The following SNX13 variants were observed in gnomAD, a reference collection of about 807,000 sequenced individuals.
SNX13 encodes the protein sorting nexin 13.
A neutral mutation model predicts 133.6 loss-of-function variants in SNX13; 45 were observed. The observed-to-expected ratio is 0.34, with a 90% CI of 0.27 to 0.43. The LOEUF (loss-of-function observed/expected upper bound fraction) is 0.43. Ranked by LOEUF, SNX13 falls within the 20% of genes least tolerant of loss-of-function variation. SNX13 has a pLI of 1.00. For missense variants in SNX13, 1,032 were observed against 1,145.1 expected, an observed-to-expected ratio of 0.90 and a Z score of 1.43; for synonymous variants, 414 against 373.9, an observed-to-expected ratio of 1.11 and a Z score of -1.24.
chr7:17,865,578 A>G (rs1793292893), intron 9 of SNX13, among the ~76,000 whole-genome samples: 1 of 152,180 alleles, frequency 6.6e-6, no homozygotes, highest in African/African-American at 2.4e-5. Flanking sequence ...GCAAATTCAA[A>G]GCAACCCATA....
At chr7:17,797,875 T>C (rs1784226102) in intron 24 of SNX13, among the ~76,000 whole-genome samples, 1 of 151,866 alleles carries the variant, frequency 6.6e-6, no homozygotes, top group Non-Finnish European at 1.5e-5. Context: ...TTCCCCACTT[T>C]GTAGCCTGAG....
At chr7:17,860,489 C>G (rs1039167874) in intron 9 of SNX13, among the ~76,000 whole-genome samples, 1 of 152,160 alleles carries the variant, frequency 6.6e-6, no homozygotes, top group African/African-American at 2.4e-5. Flanking sequence ...CTGATACACT[C>G]CCACTCTCTA....
At chr7:17,937,532 A>G (rs1303753410) in intron 1 of SNX13, among the ~76,000 whole-genome samples, 3 of 151,834 alleles carry the variant, frequency 2.0e-5, no homozygotes, top group African/African-American at 4.8e-5. Context: ...AAAAAAAAAA[A>G]AAGATATATT....
chr7:17,814,372 C>G (rs1488101616), intron 20 of SNX13, among the ~76,000 whole-genome samples: 1 of 152,070 alleles, frequency 6.6e-6, no homozygotes, highest in East Asian at 1.9e-4. Context: ...TATTTACTGT[C>G]TTACCTTACG....
chr7:17,809,174 T>A (rs186344048), intron 20 of SNX13, among the ~76,000 whole-genome samples: 2 of 150,422 alleles, frequency 1.3e-5, no homozygotes, highest in African/African-American at 2.5e-5. Context: ...TCAGATAAAT[T>A]GTCAAGACCC....
intron 8 of SNX13, among the ~76,000 whole-genome samples, chr7:17,870,343 A>T (rs1279076605): frequency 6.6e-6 from 1 of 152,330 alleles, no homozygotes; most frequent in South Asian, 2.1e-4. Flanking sequence ...CTGTTATTTA[A>T]TCTAAACAAA....
intron 18 of SNX13, 46 bp from the exon 19 acceptor site, chr7:17,816,335 G>T: frequency 6.6e-7 from 1 of 1,506,448 alleles, no homozygotes; most frequent in Non-Finnish European, 8.9e-7. Flanking sequence ...AAAGACAAAA[G>T]GTTTTCCCAA....
chr7:17,807,097 C>G lies in SNX13; in HGVS notation c.2065-3517G>C, dbSNP rs183801619. The stretch of plus-strand genomic sequence containing the variant: ...ACCCCAGAGGTGCCTGGAATGCCAC[C>G]GACACAGAACCGTTCACTCCCCTGG... On this transcript the variant is annotated intron_variant, in intron 20 of 25. Transcript: ENST00000428135. Among the ~76,000 whole-genome samples, 3 of 152,226 alleles carry G rather than the reference C, an allele frequency of 2.0e-5. No individual in the cohort carries two copies. In the East Asian group the frequency reaches 5.8e-4, roughly 30 times the overall value.
intron 1 of SNX13, among the ~76,000 whole-genome samples, chr7:17,913,421 C>T (rs1276447465): frequency 6.6e-6 from 1 of 152,096 alleles, no homozygotes; most frequent in African/African-American, 2.4e-5. Context: ...AAAGGTGGAG[C>T]ACTTTTCAGG....
At chr7:17,876,443 G>A (rs997175668) in intron 5 of SNX13, among the ~76,000 whole-genome samples, 1 of 152,076 alleles carries the variant, frequency 6.6e-6, no homozygotes, top group African/African-American at 2.4e-5. Context: ...AGCCAGGCAT[G>A]GTGGCATGCA....
chr7:17,808,703 G>C (rs1444816412), intron 20 of SNX13, among the ~76,000 whole-genome samples: 2 of 152,170 alleles, frequency 1.3e-5, no homozygotes, highest in Non-Finnish European at 2.9e-5. Context: ...GGCAGCCAGA[G>C]AGAAAGGTCA....
chr7:17,940,442 G>A lies in SNX13; in HGVS notation c.-147C>T, dbSNP rs941787204. The A allele has an allele frequency of 8.0e-6, 7 of 875,822 alleles. No individual in the cohort carries two copies. Among genetic ancestry groups the A allele is most frequent in the African/African-American group, 5.0e-5 (3 of 60,418 alleles). The allele number at this position is 875,822 out of a possible 1,614,324, so 54.3% of individuals were successfully genotyped here. The stretch of plus-strand genomic sequence containing the variant: ...GCGGCGGTTTTACTCGGCTTCGCTG[G>A]CCTCCCCTCGGCCCGGTCGCTCGCG... On this transcript the variant is annotated 5_prime_UTR_variant, in exon 1 of 26. Transcript: ENST00000428135.
intron 1 of SNX13, among the ~76,000 whole-genome samples, chr7:17,910,998 T>C (rs1345187327): frequency 6.6e-6 from 1 of 152,194 alleles, no homozygotes; most frequent in East Asian, 1.9e-4. Flanking sequence ...ATGAACTCAA[T>C]ACCAATGAAT....
At chr7:17,798,178 T>C (rs1169656329) in intron 24 of SNX13, among the ~76,000 whole-genome samples, 1 of 151,848 alleles carries the variant, frequency 6.6e-6, no homozygotes, top group Non-Finnish European at 1.5e-5. Flanking sequence ...ATGGGCTGAG[T>C]GCTAGGCACA....
At chr7:17,795,929 A>G (rs973831945) in intron 25 of SNX13, 1 of 151,876 alleles carries the variant, frequency 6.6e-6, no homozygotes, top group African/African-American at 2.4e-5. Flanking sequence ...AATTTAATTG[A>G]CAGAAGAGAA....
intron 9 of SNX13, among the ~76,000 whole-genome samples, chr7:17,864,389 T>A (rs1793106801): frequency 6.6e-6 from 1 of 152,100 alleles, no homozygotes; most frequent in Non-Finnish European, 1.5e-5. Context: ...GAAAAATTAA[T>A]CAGAGTATCT....
At chr7:17,827,566 C>G (rs1447753531) in intron 16 of SNX13, among the ~76,000 whole-genome samples, 1 of 151,860 alleles carries the variant, frequency 6.6e-6, no homozygotes, top group African/African-American at 2.4e-5. Flanking sequence ...TAATTCTATA[C>G]AGATAATCCA....
intron 9 of SNX13, among the ~76,000 whole-genome samples, chr7:17,861,464 A>G (rs567093247): frequency 6.6e-6 from 1 of 152,092 alleles, no homozygotes; most frequent in Non-Finnish European, 1.5e-5. Flanking sequence ...ACACTAACGT[A>G]ATCATTGGTC....
At chr7:17,878,578 C>G (rs937742663) in intron 5 of SNX13, among the ~76,000 whole-genome samples, 1 of 152,220 alleles carries the variant, frequency 6.6e-6, no homozygotes, top group South Asian at 2.1e-4. Context: ...ATGCCACCAT[C>G]GTATCCCTCG....
Sources: allele counts gnomAD v4.1 joint callset (sites outside exome capture counted in the v4.1 genomes callset), GRCh38; gene constraint gnomAD v4.1.1; transcripts MANE v1.5; gene names NCBI Gene and HGNC (gene_info 2026-07-23, HGNC 2026-07-21).